PEX26: variants seen among roughly 807,000 people sequenced by gnomAD.
PEX26 encodes peroxisomal biogenesis factor 26, also known as peroxisome assembly protein 26.
Under a neutral mutation model 31.4 loss-of-function variants are expected in PEX26, and 18 were observed. The ratio of observed to expected loss-of-function variants is 0.57; its 90% CI spans 0.40 to 0.85. The LOEUF is 0.85. Ranked by LOEUF, PEX26 falls within the 40% of genes least tolerant of loss-of-function variation. PEX26 has a pLI of 0.00. For missense variants in PEX26, 377 were observed against 383.9 expected (o/e 0.98, Z 0.15); for synonymous variants, 176 against 166.9 (o/e 1.05, Z -0.42).
intron 2 of PEX26, chr22:18,081,391 C>G (rs1926599619): frequency 6.5e-6 from 1 of 154,108 alleles, no homozygotes; most frequent in African/African-American, 2.4e-5. Flanking sequence ...TGTGGTAGTT[C>G]TATTTTTATT....
intron 2 of PEX26, among the ~76,000 whole-genome samples, chr22:18,080,366 G>A (rs987820305): frequency 4.0e-5 from 6 of 151,216 alleles, no homozygotes; most frequent in African/African-American, 1.5e-4. Flanking sequence ...GTCTCGCCCT[G>A]TCGCCCAGGT....
chr22:18,087,380 G>A (rs1182403391), intron 4 of PEX26, among the ~76,000 whole-genome samples: 1 of 152,102 alleles, frequency 6.6e-6, no homozygotes, highest in African/African-American at 2.4e-5. Context: ...TGGCCAGCGA[G>A]GTTTCCGTCA....
At position 18,083,522 on chromosome 22, in the gene PEX26, C is replaced by T; in HGVS notation, c.457C>T (p.Leu153Phe). 1 of 1,614,144 alleles carries T rather than the reference C, an allele frequency of 6.2e-7. No individual in the cohort carries two copies. The highest frequency in any genetic ancestry group is 2.2e-5 in the East Asian group (1 of 44,892). Residue 153 changes from leucine to phenylalanine, a missense_variant, in exon 3 of 5, where the codon CTT becomes TTT. By Grantham distance (22) the Leu-to-Phe change is conservative (BLOSUM62 0). Coordinates refer to ENST00000399744, the MANE Select transcript of PEX26 (RefSeq NM_001127649.3). ...GCTCCAAGACCCAGCCAATCAAAAC[C>T]TTCCAGAATATGGAGCCTTGGCAGA... The part of the protein sequence containing the change: ...AWLQDPANQN[L>F]PEYGALAEFH...
At position 18,098,731 on chromosome 22, in the gene PEX26, TTAAG is replaced by T. The variant is rs1277936085; in HGVS notation, c.*10660_*10663del. 4 of 149,998 alleles carry T rather than the reference TTAAG, an allele frequency of 2.7e-5. No homozygotes were observed. Among genetic ancestry groups the T allele is most frequent in the Admixed American group, 6.7e-5 (1 of 14,830 alleles). 9.3% of individuals were successfully genotyped at this position (149,998 alleles called of 1,614,324 possible). The stretch of plus-strand genomic sequence containing the variant: ...TCTATAAGAAAAACTTTGAAAAGTA[TTAAG>T]TAATACACATGTGTATGTGTGCGTG... On this transcript the variant is annotated 3_prime_UTR_variant, in exon 5 of 5. Coordinates refer to ENST00000399744, the MANE Select transcript of PEX26 (RefSeq NM_001127649.3).
chr22:18,098,657 T>A lies in PEX26; in HGVS notation c.*10582T>A, dbSNP rs1042051662. 6.6e-6 allele frequency: 1 copy of A among 151,448 alleles called. No homozygotes were observed. Among genetic ancestry groups the A allele is most frequent in the Non-Finnish European group, 1.5e-5 (1 of 67,864 alleles). The allele number at this position is 151,448 out of a possible 1,614,324, so 9.4% of individuals were successfully genotyped here. On this transcript the variant is annotated 3_prime_UTR_variant, in exon 5 of 5. Transcript: ENST00000399744. ...AAAAAAAAGAAAAAAGAAAAAAAAA[T>A]TACCTCCCTCATTTTCTTTATAATA...
Position 18,097,973 on chromosome 22 carries a change from G to A in PEX26, c.*9898G>A, listed in dbSNP as rs2123676344. 2 of 152,392 alleles carry A rather than the reference G, an allele frequency of 1.3e-5. No homozygotes were observed. The highest frequency in any genetic ancestry group is 3.9e-4 in the East Asian group (2 of 5,192). The allele number at this position is 152,392 out of a possible 1,614,324, so 9.4% of individuals were successfully genotyped here. On this transcript the variant is annotated 3_prime_UTR_variant, in exon 5 of 5. Transcript: ENST00000399744. ...CATGCCCGTAATCCCACCACTTTGGGTGGCCAAGGCAGGTGGATCATGAGG... is the reference window on the plus strand; with the variant it reads ...CATGCCCGTAATCCCACCACTTTGGATGGCCAAGGCAGGTGGATCATGAGG...
chr22:18,086,988 C>T (rs542375858), intron 4 of PEX26, among the ~76,000 whole-genome samples: 1 of 152,256 alleles, frequency 6.6e-6, no homozygotes, highest in Non-Finnish European at 1.5e-5. Flanking sequence ...TCTTGGCTCA[C>T]TGCAACCTCT....
rs764957881 is a variant in PEX26, at chr22:18,088,019, C to T, written c.862C>T (p.Arg288Cys). The part of the protein sequence containing the change: ...HFLYKLAQLF[R>C]WIRKAAFSRL... ...CCTCTACAAGCTGGCCCAGCTCTTC[C>T]GCTGGATCCGGAAGGCTGCATTTTC... The change falls in exon 5 of 5, where the codon CGC (arginine) becomes TGC (cysteine). Residue 288 changes from arginine to cysteine, a missense_variant. By Grantham distance (180) the Arg-to-Cys change is radical (BLOSUM62 -3). Transcript: ENST00000399744. The surrounding 1 kb of genome is among the most constrained non-coding windows in gnomAD (Gnocchi z 4.1). The T allele has an allele frequency of 1.4e-5, 23 of 1,613,590 alleles. No individual in the cohort carries two copies. Among genetic ancestry groups the T allele is most frequent in the Admixed American group, 5.0e-5 (3 of 60,006 alleles).
chr22:18,083,224 T>TA (rs1926690820), intron 2 of PEX26, among the ~76,000 whole-genome samples: 2 of 152,206 alleles, frequency 1.3e-5, no homozygotes, highest in Admixed American at 1.3e-4. Context: ...CTCCTGATCT[T>TA]AGAGGAAAGG....
Position 18,092,672 on chromosome 22 carries a change from C to G in PEX26, c.*4597C>G, listed in dbSNP as rs1927143487. The G allele has an allele frequency of 2.0e-5, 3 of 148,232 alleles. No homozygotes were observed. The Admixed American group carries it at 2.0e-4, about 10-fold the overall frequency. 9.2% of individuals were successfully genotyped at this position (148,232 alleles called of 1,614,324 possible). ...CTAATTCTTTTTTTTCCTGCAACTC[C>G]TGCTTCACAGACTTTTTTTTTTTTT... On this transcript the variant is annotated 3_prime_UTR_variant, in exon 5 of 5. Coordinates refer to ENST00000399744, the MANE Select transcript of PEX26 (RefSeq NM_001127649.3).
Position 18,100,764 on chromosome 22 carries a change from T to G in PEX26, c.*12689T>G, listed in dbSNP as rs962462358. ...TCCTACGCATGCTGAGATAGATGAG[T>G]GGGACACCATCTCGGTAGGAAAGAG... On this transcript the variant is annotated 3_prime_UTR_variant, in exon 5 of 5. Coordinates refer to ENST00000399744, the MANE Select transcript of PEX26 (RefSeq NM_001127649.3). The G allele has an allele frequency of 2.5e-4, 38 of 152,218 alleles. No individual in the cohort carries two copies. The highest frequency in any genetic ancestry group is 1.3e-3 in the Admixed American group (20 of 15,288). 9.4% of individuals were successfully genotyped at this position (152,218 alleles called of 1,614,324 possible).
Position 18,085,172 on chromosome 22 carries a change from C to T in PEX26, c.728C>T (p.Ala243Val), listed in dbSNP as rs149153003. The T allele has an allele frequency of 2.0e-3, 3,166 of 1,614,068 alleles. 17 individuals are homozygous for T. The highest frequency in any genetic ancestry group is 8.2e-3 in the Middle Eastern group (50 of 6,062). ...PMLVRQLWDSAVSHFFSLPFK... is the reference protein window; with the variant it reads ...PMLVRQLWDSVVSHFFSLPFK... ...TTGGTTCGCCAGCTTTGGGACTCTG[C>T]GGTGAGCCACTTCTTTTCTCTGCCC... is the stretch of plus-strand genomic sequence containing the variant. The change falls in exon 4 of 5, where the codon GCG (alanine) becomes GTG (valine). Residue 243 changes from alanine (A) to valine (V), a missense_variant. Physicochemically the swap from Ala to Val is moderately conservative, Grantham distance 64. Coordinates refer to ENST00000399744, the MANE Select transcript of PEX26 (RefSeq NM_001127649.3).
At chr22:18,084,316 C>T (rs1569188197) in intron 3 of PEX26, among the ~76,000 whole-genome samples, 1 of 149,280 alleles carries the variant, frequency 6.7e-6, no homozygotes, top group African/African-American at 2.5e-5. Flanking sequence ...GCGATCTCCG[C>T]TCACTGCAAG....
At chr22:18,086,921 T>G (rs1278668540) in intron 4 of PEX26, among the ~76,000 whole-genome samples, 1 of 151,968 alleles carries the variant, frequency 6.6e-6, no homozygotes, top group East Asian at 1.9e-4. Flanking sequence ...ATTTTATTTA[T>G]TTAGTTTTTG....
At chr22:18,079,793 A>G in intron 1 of PEX26, 81 bp from the exon 2 acceptor site, 2 of 1,502,618 alleles carry the variant, frequency 1.3e-6, no homozygotes, top group Non-Finnish European at 1.9e-6. Flanking sequence ...TGGGAGCTGG[A>G]GAGGAACAGT....
chr22:18,079,991 A>AC lies in PEX26; in HGVS notation c.354dup (p.Lys119GlnfsTer60). 10 of 1,613,714 alleles carry AC rather than the reference A, an allele frequency of 6.2e-6. No individual in the cohort carries two copies. Among genetic ancestry groups the AC allele is most frequent in the Non-Finnish European group, 8.5e-6 (10 of 1,179,942 alleles). On this transcript the variant is annotated frameshift_variant, in exon 2 of 5. Transcript: ENST00000399744. LOFTEE classifies it high-confidence loss of function. ...AGTATTACCAGGTCCCTGAAAAGCTACCCCCCAAAGTCCTGGAGCTGTGGT... is the reference window on the plus strand; with the variant it reads ...AGTATTACCAGGTCCCTGAAAAGCTACCCCCCCAAAGTCCTGGAGCTGTGGT...
Position 18,077,990 on chromosome 22 carries a change from G to A in PEX26, c.-387G>A. The A allele has an allele frequency of 2.4e-6, 1 of 422,342 alleles. No individual in the cohort carries two copies. The highest frequency in any genetic ancestry group is 4.6e-6 in the Non-Finnish European group (1 of 217,178). 26.2% of individuals were successfully genotyped at this position (422,342 alleles called of 1,614,324 possible). On this transcript the variant is annotated 5_prime_UTR_variant, in exon 1 of 5. Coordinates refer to ENST00000399744, the MANE Select transcript of PEX26 (RefSeq NM_001127649.3). Reference sequence around the variant, plus strand: ...GAGTACTCCGCGCCGCCGGGACGCCGCGCGGCTGCGGGGCTGGGCGAGCGC... The same window carrying A: ...GAGTACTCCGCGCCGCCGGGACGCCACGCGGCTGCGGGGCTGGGCGAGCGC...
At chr22:18,084,346 G>A (rs1234539786) in intron 3 of PEX26, among the ~76,000 whole-genome samples, 1 of 149,384 alleles carries the variant, frequency 6.7e-6, no homozygotes, top group Non-Finnish European at 1.5e-5. Flanking sequence ...TCAGGTTCAC[G>A]CCATTCTCCT....
At chr22:18,079,823 T>C (rs1450367302) in intron 1 of PEX26, 51 bp from the exon 2 acceptor site, 1 of 1,610,702 alleles carries the variant, frequency 6.2e-7, no homozygotes, top group East Asian at 2.2e-5. Flanking sequence ...GAGGTGGGAA[T>C]GGAAATGGAG....
Sources: gnomAD v4.1 joint callset for allele counts (sites outside exome capture counted in the v4.1 genomes callset) on GRCh38, gnomAD v4.1.1 for gene constraint, Gnocchi (gnomAD v3.1) non-coding constraint, MANE v1.5 for transcripts, NCBI Gene and HGNC (gene_info 2026-07-23, HGNC 2026-07-21) for gene names.